The following DPP10 variants were observed in gnomAD, a reference collection of about 807,000 sequenced individuals.
DPP10 encodes the protein dipeptidyl peptidase like 10.
In DPP10, 33 loss-of-function variants were observed where a neutral mutation model predicts 120.9. The observed-to-expected ratio is 0.27, with a 90% CI of 0.21 to 0.37. The LOEUF (loss-of-function observed/expected upper bound fraction) is 0.37. Among genes scored for constraint, DPP10 ranks in the 10% least tolerant of loss-of-function variants. DPP10 has a pLI of 1.00. For synonymous variants in DPP10, 337 were observed against 326.1 expected (o/e 1.03, Z -0.36); for missense variants, 816 against 942.8 (o/e 0.87, Z 1.76).
At chr2:114,485,709 C>T (rs536391838) in intron 1 of DPP10, among the ~76,000 whole-genome samples, 2 of 152,142 alleles carry the variant, frequency 1.3e-5, no homozygotes, top group East Asian at 3.9e-4. Flanking sequence ...CTATCTCCTC[C>T]CCTATCTCCT....
At chr2:115,474,663 A>C (rs376208906) in intron 3 of DPP10, among the ~76,000 whole-genome samples, 113 of 151,958 alleles carry the variant, frequency 7.4e-4, no homozygotes, top group Middle Eastern at 6.8e-3. Flanking sequence ...CTGAAACTGG[A>C]ACTTATATTT....
At chr2:115,146,069 A>C (rs2051207719) in intron 1 of DPP10, among the ~76,000 whole-genome samples, 1 of 152,034 alleles carries the variant, frequency 6.6e-6, no homozygotes, top group South Asian at 2.1e-4. Context: ...CATTTTCAGG[A>C]AAAAAATCCT....
intron 1 of DPP10, among the ~76,000 whole-genome samples, chr2:114,646,422 C>T (rs912291714): frequency 2.0e-5 from 3 of 152,114 alleles, no homozygotes; most frequent in South Asian, 4.1e-4. Context: ...ATATCACTTG[C>T]TTTACTTTAG....
intron 1 of DPP10, among the ~76,000 whole-genome samples, chr2:114,534,979 ATT>A (rs1408457980): frequency 6.6e-6 from 1 of 151,968 alleles, no homozygotes; most frequent in Non-Finnish European, 1.5e-5. Flanking sequence ...CTGACTTGTA[ATT>A]TAACTTTCTC....
At chr2:115,356,369 T>A (rs1216309489) in intron 3 of DPP10, among the ~76,000 whole-genome samples, 1 of 152,070 alleles carries the variant, frequency 6.6e-6, no homozygotes, top group East Asian at 1.9e-4. Context: ...CTATTGTTGG[T>A]GTAAAGGAAT....
intron 1 of DPP10, among the ~76,000 whole-genome samples, chr2:115,174,540 A>T (rs2053569966): frequency 6.6e-6 from 1 of 152,220 alleles, no homozygotes. Flanking sequence ...TATAATTAAC[A>T]TCTAACTTTA....
chr2:114,923,444 C>A (rs181347104), intron 1 of DPP10, among the ~76,000 whole-genome samples: 1 of 141,138 alleles, frequency 7.1e-6, no homozygotes, highest in Admixed American at 7.3e-5. Flanking sequence ...GGATTACAGG[C>A]GTGAGCCACC....
At chr2:115,141,313 GA>G (rs1399973359) in intron 1 of DPP10, among the ~76,000 whole-genome samples, 1 of 152,156 alleles carries the variant, frequency 6.6e-6, no homozygotes, top group Non-Finnish European at 1.5e-5. Flanking sequence ...AGGCAGGGAG[GA>G]AAGGAATATT....
chr2:114,870,541 G>GAAAAATT (rs1690611723), intron 1 of DPP10, among the ~76,000 whole-genome samples: 1 of 82,618 alleles, frequency 1.2e-5, no homozygotes, highest in Admixed American at 1.4e-4. Flanking sequence ...AAGTAGTCAG[G>GAAAAATT]TAGAAAGGGG....
chr2:114,550,272 A>G (rs996112510), intron 1 of DPP10, among the ~76,000 whole-genome samples: 1 of 152,218 alleles, frequency 6.6e-6, no homozygotes, highest in Non-Finnish European at 1.5e-5. Flanking sequence ...GGCCCTCTCC[A>G]TGATTTAACT....
At chr2:115,507,947 G>A (rs2077033073) in intron 4 of DPP10, among the ~76,000 whole-genome samples, 2 of 152,026 alleles carry the variant, frequency 1.3e-5, no homozygotes, top group South Asian at 4.2e-4. Flanking sequence ...AATGGGTAGG[G>A]CTTTGTTGGT....
intron 1 of DPP10, among the ~76,000 whole-genome samples, chr2:115,287,851 T>A (rs193088545): frequency 6.6e-6 from 1 of 152,220 alleles, no homozygotes; most frequent in East Asian, 1.9e-4. Flanking sequence ...ATGAAAGAAA[T>A]CATAGACTAT....
chr2:114,997,184 C>A (rs943544592), intron 1 of DPP10, among the ~76,000 whole-genome samples: 3 of 151,642 alleles, frequency 2.0e-5, no homozygotes, highest in Non-Finnish European at 4.4e-5. Flanking sequence ...ACTTAAATGT[C>A]ACAATAAGAT....
chr2:115,529,356 A>G (rs1396380951), intron 5 of DPP10, among the ~76,000 whole-genome samples: 1 of 152,006 alleles, frequency 6.6e-6, no homozygotes, highest in African/African-American at 2.4e-5. Context: ...TTTAGTAGAG[A>G]TAAAGTTTCA....
In DPP10 at chr2:115,366,890, C is replaced by A. The variant is rs530587932; in HGVS notation, c.271+22978C>A. On this transcript the variant is annotated intron_variant, in intron 3 of 25. Coordinates refer to ENST00000410059, the MANE Select transcript of DPP10 (RefSeq NM_020868.6). ...GTACATGAAAAATCACATTGCACCC[C>A]CAGCAGTATCTTTTTAGGAAGATCG... 2.0e-4 allele frequency among the ~76,000 whole-genome samples: 30 copies of A among 152,142 alleles called. 1 individual carries two copies. In the South Asian group the frequency reaches 6.2e-3, roughly 32 times the overall value.
intron 3 of DPP10, among the ~76,000 whole-genome samples, chr2:115,421,290 C>T (rs1421889271): frequency 6.6e-6 from 1 of 152,086 alleles, no homozygotes; most frequent in Non-Finnish European, 1.5e-5. Context: ...TAAAATCTTC[C>T]TCAGCTGCCA....
intron 1 of DPP10, chr2:115,297,150 G>A (rs2060921826): frequency 5.7e-6 from 1 of 175,856 alleles, no homozygotes; most frequent in African/African-American, 2.4e-5. Context: ...AGCAGCATGA[G>A]CCTGTATTAT....
rs375810848 is a variant in DPP10, at chr2:114,499,444, T to C, written c.60+56606T>C. On this transcript the variant is annotated intron_variant, in intron 1 of 25. Transcript: ENST00000410059. ...TGCAAGGCTAGGCAAACAGCTTCGC[T>C]AAGCTGGACAACTCTATAGTACACT... Among the ~76,000 whole-genome samples the C allele has an allele frequency of 6.6e-5, 10 of 152,352 alleles. No homozygotes were observed. The East Asian group carries it at 1.7e-3, about 26-fold the overall frequency.
chr2:115,282,108 G>T (rs1248010339), intron 1 of DPP10, among the ~76,000 whole-genome samples: 1 of 151,940 alleles, frequency 6.6e-6, no homozygotes, highest in Non-Finnish European at 1.5e-5. Context: ...GTAGAAACAA[G>T]CAATCAACTG....
Sources: gnomAD v4.1 joint callset for allele counts (sites outside exome capture counted in the v4.1 genomes callset) on GRCh38, gnomAD v4.1.1 for gene constraint, MANE v1.5 for transcripts, NCBI Gene and HGNC (gene_info 2026-07-23, HGNC 2026-07-21) for gene names.